CACNA1G: variants seen among roughly 807,000 people sequenced by gnomAD.
The protein encoded by CACNA1G is voltage-dependent T-type calcium channel subunit alpha-1G.
Under a neutral mutation model 219.4 loss-of-function variants are expected in CACNA1G, and 67 were observed. That is an observed-to-expected ratio of 0.31 (90% CI 0.25 to 0.37). The LOEUF (loss-of-function observed/expected upper bound fraction) is 0.37, where lower values mean the gene tolerates loss of function less well. Among genes scored for constraint, CACNA1G ranks in the 10% least tolerant of loss-of-function variants. The pLI, the probability that CACNA1G is intolerant of heterozygous loss-of-function variation, is 1.00. For missense variants in CACNA1G, 2,380 were observed against 3,231.4 expected, an observed-to-expected ratio of 0.74 and a Z score of 6.39; for synonymous variants, 1,296 against 1,345.3, an observed-to-expected ratio of 0.96 and a Z score of 0.80.
At chr17:50,609,964 G>T (rs375808858) in intron 26 of CACNA1G, 29 bp downstream of exon 26, 4 of 1,595,646 alleles carry the variant, frequency 2.5e-6, no homozygotes, top group African/African-American at 1.3e-5. Context: ...GGGCTCATGC[G>T]TGTGGGGACA....
At chr17:50,584,262 A>T (rs2042567697) in intron 9 of CACNA1G, among the ~76,000 whole-genome samples, 1 of 152,076 alleles carries the variant, frequency 6.6e-6, no homozygotes, top group South Asian at 2.1e-4. Flanking sequence ...CCAGAGAGGT[A>T]GGAGTGGGGG....
At chr17:50,579,076 G>A (rs779213895) in intron 9 of CACNA1G, among the ~76,000 whole-genome samples, 5 of 152,126 alleles carry the variant, frequency 3.3e-5, no homozygotes, top group African/African-American at 4.8e-5. Flanking sequence ...CAGGGAGGGA[G>A]GCAATCTTTC....
chr17:50,581,537 C>T (rs899706437), intron 9 of CACNA1G, among the ~76,000 whole-genome samples: 3 of 152,104 alleles, frequency 2.0e-5, no homozygotes, highest in African/African-American at 4.8e-5. Context: ...TCGCTTGTCC[C>T]GTCCCCCCAA....
chr17:50,590,991 C>A (rs937784374), intron 10 of CACNA1G, among the ~76,000 whole-genome samples: 1 of 152,080 alleles, frequency 6.6e-6, no homozygotes, highest in African/African-American at 2.4e-5. Flanking sequence ...CTGCCCGGCT[C>A]GAAAAGTGCT....
chr17:50,598,354 T>C (rs749908307), intron 16 of CACNA1G, among the ~76,000 whole-genome samples: 1 of 152,264 alleles, frequency 6.6e-6, no homozygotes, highest in Non-Finnish European at 1.5e-5. Flanking sequence ...CAGTCATCCA[T>C]TGATGGATAC....
chr17:50,596,497 C>G lies in CACNA1G; in HGVS notation c.2980-65C>G. 1 of 1,310,240 alleles carries G rather than the reference C, an allele frequency of 7.6e-7. No homozygotes were observed. The highest frequency in any genetic ancestry group is 1.1e-6 in the Non-Finnish European group (1 of 906,300). 81.2% of individuals were successfully genotyped at this position (1,310,240 alleles called of 1,614,324 possible). ...GTGTGCGTGTGTGAAGAGAGGGAGG[C>G]CCGGTCCATCCCAACCACCCAAGCC... is the stretch of plus-strand genomic sequence containing the variant. On this transcript the variant is annotated intron_variant, in intron 14 of 37. Coordinates refer to ENST00000359106, the MANE Select transcript of CACNA1G (RefSeq NM_018896.5). The surrounding 1 kb of genome is among the most constrained non-coding windows in gnomAD (Gnocchi z 4.8).
At chr17:50,622,706 C>G (rs1273465269) in intron 35 of CACNA1G, among the ~76,000 whole-genome samples, 2 of 152,150 alleles carry the variant, frequency 1.3e-5, no homozygotes, top group African/African-American at 2.4e-5. Flanking sequence ...ATGGAGAAAC[C>G]TCTTGAGAAC....
At chr17:50,587,149 G>A (rs2043150633) in intron 9 of CACNA1G, among the ~76,000 whole-genome samples, 1 of 152,140 alleles carries the variant, frequency 6.6e-6, no homozygotes, top group South Asian at 2.1e-4. Flanking sequence ...GCTCTGTCTG[G>A]GTATATGGTG....
At chr17:50,612,018 G>T (rs1485166443) in intron 26 of CACNA1G, among the ~76,000 whole-genome samples, 9 of 152,242 alleles carry the variant, frequency 5.9e-5, no homozygotes, top group Non-Finnish European at 1.5e-5. Context: ...CAAGGGCTCA[G>T]GTCATCCCAT....
At chr17:50,593,684 C>A (rs554868003) in intron 13 of CACNA1G, among the ~76,000 whole-genome samples, 42 of 152,380 alleles carry the variant, frequency 2.8e-4, no homozygotes, top group African/African-American at 9.9e-4. Context: ...CCCTCCCCAA[C>A]CTTCGCAGTA....
In CACNA1G at chr17:50,621,695, G is replaced by A. The variant is rs199940739; in HGVS notation, c.5961G>A (p.Thr1987=). The A allele has an allele frequency of 2.5e-6, 4 of 1,613,856 alleles. No homozygotes were observed. Among genetic ancestry groups the A allele is most frequent in the Admixed American group, 1.7e-5 (1 of 60,010 alleles). ...PLAEMEALSL[T]SEIVSEPSCS... Reference sequence around the variant, plus strand: ...CTGAGATGGAGGCTCTGTCTCTGACGTCAGAGATTGTGTCTGAACCGTCCT... The same window carrying A: ...CTGAGATGGAGGCTCTGTCTCTGACATCAGAGATTGTGTCTGAACCGTCCT... The change falls in exon 35 of 38, where the codon ACG becomes ACA. Residue 1987 remains threonine, a synonymous_variant. Coordinates refer to ENST00000359106, the MANE Select transcript of CACNA1G (RefSeq NM_018896.5). This position sits in a 1 kb window ranked among gnomAD's most constrained non-coding sequence, Gnocchi z 4.6.
intron 1 of CACNA1G, among the ~76,000 whole-genome samples, chr17:50,567,056 T>TAA (rs2038088348): frequency 6.6e-6 from 1 of 152,202 alleles, no homozygotes; most frequent in Non-Finnish European, 1.5e-5. Context: ...GGTAACTGTG[T>TAA]CTTTCCCTTT....
chr17:50,573,976 C>T (rs2040027332), intron 7 of CACNA1G, among the ~76,000 whole-genome samples: 1 of 152,210 alleles, frequency 6.6e-6, no homozygotes, highest in Non-Finnish European at 1.5e-5. Flanking sequence ...TTATCTGACC[C>T]TACCAGACGC....
chr17:50,572,005 G>A lies in CACNA1G; in HGVS notation c.714G>A (p.Arg238=). 1 of 1,613,952 alleles carries A rather than the reference G, an allele frequency of 6.2e-7. No homozygotes were observed. Among genetic ancestry groups the A allele is most frequent in the South Asian group, 1.1e-5 (1 of 91,080 alleles). The change falls in exon 5 of 38, where the codon CGG becomes CGA. Residue 238 remains arginine, a synonymous_variant. Coordinates refer to ENST00000359106, the MANE Select transcript of CACNA1G (RefSeq NM_018896.5). ...VGVQLWAGLL[R]NRCFLPENFS... ...TCCAGCTGTGGGCAGGGCTGCTTCG[G>A]AACCGATGCTTCCTACCTGAGAATT...
At chr17:50,584,708 T>C (rs2042663825) in intron 9 of CACNA1G, among the ~76,000 whole-genome samples, 3 of 151,514 alleles carry the variant, frequency 2.0e-5, no homozygotes. Flanking sequence ...GACAGTGGGA[T>C]GCACAACACA....
At chr17:50,615,021 C>A (rs983886789) in intron 26 of CACNA1G, among the ~76,000 whole-genome samples, 9 of 152,134 alleles carry the variant, frequency 5.9e-5, no homozygotes, top group African/African-American at 1.4e-4. Flanking sequence ...ATCGATCTGG[C>A]CTTGCTGCGG....
Position 50,621,309 on chromosome 17 carries a change from C to T in CACNA1G, c.5926-351C>T, listed in dbSNP as rs927285416. On this transcript the variant is annotated intron_variant, in intron 34 of 37. Transcript: ENST00000359106. The surrounding 1 kb of genome is among the most constrained non-coding windows in gnomAD (Gnocchi z 4.6). ...CATCTTTTTGAGAGTCGCAAGCCCT[C>T]GGTCCTCCCGCTCCCTCCCTGGGTG... Among the ~76,000 whole-genome samples the T allele has an allele frequency of 7.9e-5, 12 of 151,516 alleles. No homozygotes were observed. Among genetic ancestry groups the T allele is most frequent in the African/African-American group, 2.9e-4 (12 of 41,162 alleles).
At chr17:50,625,500 G>A (rs1430412138) in intron 37 of CACNA1G, among the ~76,000 whole-genome samples, 2 of 152,260 alleles carry the variant, frequency 1.3e-5, no homozygotes, top group Non-Finnish European at 2.9e-5. Context: ...GCTCACAGCT[G>A]CCAGACACCT....
chr17:50,583,871 G>A (rs2042466640), intron 9 of CACNA1G, among the ~76,000 whole-genome samples: 1 of 152,130 alleles, frequency 6.6e-6, no homozygotes, highest in Admixed American at 6.5e-5. Flanking sequence ...GTGGAGGAGG[G>A]CCTAGAGGCT....
Sources: allele counts gnomAD v4.1 joint callset (sites outside exome capture counted in the v4.1 genomes callset), GRCh38; gene constraint gnomAD v4.1.1; non-coding constraint Gnocchi (gnomAD v3.1); transcripts MANE v1.5; gene names NCBI Gene and HGNC (gene_info 2026-07-23, HGNC 2026-07-21).